The following SDHB variants were observed in gnomAD, a reference collection of about 807,000 sequenced individuals.
SDHB encodes succinate dehydrogenase complex iron sulfur subunit B.
In SDHB, 21 loss-of-function variants were observed where a neutral mutation model predicts 39.7. The ratio of observed to expected loss-of-function variants is 0.53; its 90% CI spans 0.37 to 0.76. SDHB has a LOEUF of 0.76. Ranked by LOEUF, SDHB falls within the 30% of genes least tolerant of loss-of-function variation. SDHB has a pLI of 0.00. For synonymous variants in SDHB, 118 were observed against 117.0 expected (o/e 1.01, Z -0.06); for missense variants, 343 against 350.9 (o/e 0.98, Z 0.18).
chr1:17,053,959 C>T lies in SDHB; in HGVS notation c.61G>A (p.Ala21Thr), dbSNP rs774266782. ...RRLPATTLGG[A>T]CLQASRGAQT... is the part of the protein sequence containing the mutation. ...GCTCCAGGACTCACCTGCAGGCAGG[C>T]TCCGCCAAGGGTTGTGGCCGGCAAC... Residue 21 changes from alanine (A) to threonine (T), a missense_variant, in exon 1 of 8, where the codon GCC becomes ACC. Coordinates refer to ENST00000375499, the MANE Select transcript of SDHB (RefSeq NM_003000.3). The T allele has an allele frequency of 1.9e-6, 3 of 1,612,890 alleles. No homozygotes were observed. In the South Asian group the frequency reaches 3.3e-5, roughly 18 times the overall value.
intron 3 of SDHB, 141 bp from the exon 4 acceptor site, chr1:17,028,877 G>T: frequency 9.7e-7 from 1 of 1,030,636 alleles, no homozygotes; most frequent in South Asian, 1.3e-5. Context: ...GTGCCTGTTG[G>T]CTTTTCTCCC....
chr1:17,027,901 A>G (rs1391803887), intron 4 of SDHB, 36 bp from the exon 5 acceptor site: 3 of 1,286,494 alleles, frequency 2.3e-6, no homozygotes, highest in East Asian at 2.3e-5. Flanking sequence ...GAAGAAGAAG[A>G]AAAGGATCAG....
intron 3 of SDHB, among the ~76,000 whole-genome samples, 172 bp from the exon 4 acceptor site, chr1:17,028,908 C>T (rs923522786): frequency 2.6e-5 from 4 of 152,068 alleles, no homozygotes; most frequent in Non-Finnish European, 5.9e-5. Context: ...CTTCCTGCCT[C>T]GAATGTGGTT....
chr1:17,044,968 T>A, intron 1 of SDHB, 80 bp from the exon 2 acceptor site: 1 of 1,230,004 alleles, frequency 8.1e-7, no homozygotes, highest in Non-Finnish European at 1.2e-6. Context: ...ACAACAGATG[T>A]AACGCTGGAT....
chr1:17,051,693 C>A (rs2746464), intron 1 of SDHB, among the ~76,000 whole-genome samples: 1 of 148,422 alleles, frequency 6.7e-6, no homozygotes, highest in Admixed American at 6.8e-5. Context: ...TAAGATAACC[C>A]GGGGGAGGGG....
At chr1:17,019,412 T>C (rs2077948812) in intron 7 of SDHB, among the ~76,000 whole-genome samples, 1 of 152,186 alleles carries the variant, frequency 6.6e-6, no homozygotes, top group African/African-American at 2.4e-5. Context: ...CCCTCTCTAT[T>C]AACCCTTTGT....
intron 1 of SDHB, among the ~76,000 whole-genome samples, chr1:17,053,249 G>A (rs978391283): frequency 6.6e-6 from 1 of 152,114 alleles, no homozygotes; most frequent in Non-Finnish European, 1.5e-5. Context: ...ACAGCGCCAA[G>A]CCCTCTACCT....
intron 3 of SDHB, among the ~76,000 whole-genome samples, chr1:17,030,535 CT>C (rs1199489110): frequency 6.6e-6 from 1 of 152,136 alleles, no homozygotes; most frequent in Non-Finnish European, 1.5e-5. Context: ...TAGCCTGGAC[CT>C]ACTTCCTGTA....
intron 5 of SDHB, 34 bp downstream of exon 5, chr1:17,027,715 C>G (rs1280201712): frequency 1.6e-6 from 2 of 1,238,984 alleles, no homozygotes; most frequent in Non-Finnish European, 2.4e-6. Context: ...GCAATAAATT[C>G]TTCAGATTGA....
rs397835910 is a variant in SDHB, at chr1:17,049,647, C to CTTTTTTTTTTTTTTTTTTTTTT, written c.72+4279_72+4300dup. Reference sequence around the variant, plus strand: ...GGGACTGGAGCATAATCCCCTAGTTCTTTTTTTTTTTTTTTTTTTTTTTTT... The same window carrying CTTTTTTTTTTTTTTTTTTTTTT: ...GGGACTGGAGCATAATCCCCTAGTTCTTTTTTTTTTTTTTTTTTTTTTTTTTTTTTTTTTTTTTTTTTTTTTT... On this transcript the variant is annotated intron_variant, in intron 1 of 7. Coordinates refer to ENST00000375499, the MANE Select transcript of SDHB (RefSeq NM_003000.3). Among the ~76,000 whole-genome samples the CTTTTTTTTTTTTTTTTTTTTTT allele has an allele frequency of 2.9e-4, 15 of 52,064 alleles. 4 individuals carry two copies. Among genetic ancestry groups the CTTTTTTTTTTTTTTTTTTTTTT allele is most frequent in the African/African-American group, 9.8e-4 (10 of 10,172 alleles). 34.2% of individuals were successfully genotyped at this position (52,064 alleles called of 152,430 possible).
chr1:17,027,228 T>C (rs548813813), intron 5 of SDHB, among the ~76,000 whole-genome samples: 1 of 152,306 alleles, frequency 6.6e-6, no homozygotes, highest in East Asian at 1.9e-4. Context: ...TTTTACAGCT[T>C]GTACACAGGA....
intron 7 of SDHB, among the ~76,000 whole-genome samples, chr1:17,022,294 G>A (rs370039198): frequency 2.0e-5 from 3 of 152,294 alleles, no homozygotes; most frequent in African/African-American, 4.8e-5. Context: ...ACGTTCCAAC[G>A]GCTTTCGCTT....
chr1:17,050,341 G>A (rs1448297623), intron 1 of SDHB, among the ~76,000 whole-genome samples: 1 of 150,728 alleles, frequency 6.6e-6, no homozygotes, highest in African/African-American at 2.4e-5. Context: ...ATTTAAATTT[G>A]TTTTGTGTCA....
At chr1:17,033,986 TA>T (rs1489760557) in intron 2 of SDHB, among the ~76,000 whole-genome samples, 3 of 152,350 alleles carry the variant, frequency 2.0e-5, no homozygotes, top group African/African-American at 4.8e-5. Context: ...GAAAATTACA[TA>T]AAAATATGTA....
rs2078004347 is a variant in SDHB, at chr1:17,028,617, T to C, written c.406A>G (p.Ile136Val). 6.2e-7 allele frequency: 1 copy of C among 1,614,198 alleles called. No homozygotes were observed. The highest frequency in any genetic ancestry group is 2.2e-5 in the East Asian group (1 of 44,892). The change falls in exon 4 of 8, where the codon ATA (isoleucine) becomes GTA (valine). Residue 136 changes from isoleucine to valine, a missense_variant. Coordinates refer to ENST00000375499, the MANE Select transcript of SDHB (RefSeq NM_003000.3). The stretch of plus-strand genomic sequence containing the variant: ...AAACTCACGGGAACAAGATCCTTTA[T>C]CACATACATGTGTGGAAGAGGGTAG... ...KIYPLPHMYV[I>V]KDLVPDLSNF...
chr1:17,029,091 C>CTTT (rs1467687958), intron 3 of SDHB, among the ~76,000 whole-genome samples: 2 of 74,802 alleles, frequency 2.7e-5, no homozygotes, highest in African/African-American at 3.7e-5. Flanking sequence ...AAAAATCAGC[C>CTTT]TGTTTTTTTT....
intron 7 of SDHB, among the ~76,000 whole-genome samples, chr1:17,020,521 G>A (rs983174675): frequency 2.0e-5 from 3 of 152,192 alleles, no homozygotes; most frequent in African/African-American, 4.8e-5. Flanking sequence ...TCAGTTGTCT[G>A]CTGCACCCAT....
At chr1:17,026,772 A>G (rs1411501426) in intron 5 of SDHB, among the ~76,000 whole-genome samples, 2 of 152,048 alleles carry the variant, frequency 1.3e-5, no homozygotes, top group Non-Finnish European at 2.9e-5. Context: ...TACTTTTCAT[A>G]TATTCACATA....
intron 1 of SDHB, among the ~76,000 whole-genome samples, chr1:17,046,522 A>AT: frequency 6.6e-6 from 1 of 152,158 alleles, no homozygotes; most frequent in Non-Finnish European, 1.5e-5. Flanking sequence ...GATGGCAAAC[A>AT]TAAGTCCCCT....
Sources: allele counts gnomAD v4.1 joint callset (sites outside exome capture counted in the v4.1 genomes callset), GRCh38; gene constraint gnomAD v4.1.1; transcripts MANE v1.5; gene names NCBI Gene and HGNC (gene_info 2026-07-23, HGNC 2026-07-21).